SCRIB: variants seen among roughly 807,000 people sequenced by gnomAD.
SCRIB encodes the protein protein scribble homolog.
In SCRIB, 72 loss-of-function variants were observed where a neutral mutation model predicts 170.0. That is an observed-to-expected ratio of 0.42 (90% CI 0.35 to 0.52). SCRIB has a LOEUF of 0.52. Among genes scored for constraint, SCRIB ranks in the 20% least tolerant of loss-of-function variants. SCRIB has a pLI of 0.02. For missense variants in SCRIB, 2,475 were observed against 2,338.5 expected, an observed-to-expected ratio of 1.06 and a Z score of -1.20; for synonymous variants, 1,298 against 1,044.3, an observed-to-expected ratio of 1.24 and a Z score of -4.68.
chr8:143,807,134 G>A, intron 16 of SCRIB, 121 bp from the exon 17 acceptor site: 1 of 731,426 alleles, frequency 1.4e-6, no homozygotes. Context: ...GCTGAATGGG[G>A]CCTCATGCCA....
chr8:143,805,555 GC>G, intron 18 of SCRIB, 120 bp from the exon 19 acceptor site: 3 of 1,039,356 alleles, frequency 2.9e-6, no homozygotes, highest in South Asian at 1.9e-5. Flanking sequence ...GAGGGGAAAG[GC>G]CCCAGGCGCT....
At chr8:143,793,426 GGAGAGACA>G in intron 28 of SCRIB, 1 of 309,438 alleles carries the variant, frequency 3.2e-6, no homozygotes, top group Admixed American at 4.7e-5. Flanking sequence ...GAGGGGGGTG[GGAGAGACA>G]GAGAGAGAGA....
chr8:143,815,283 C>A lies in SCRIB; in HGVS notation c.90G>T (p.Glu30Asp). Residue 30 changes from glutamate to aspartate, a missense_variant, in exon 1 of 37, where the codon GAG becomes GAT. By Grantham distance (45) the Glu-to-Asp change is conservative (BLOSUM62 2). Transcript: ENST00000356994. The stretch of plus-strand genomic sequence containing the variant: ...CCAGGCTGCGGCTGTAGCGGTAGAT[C>A]TCCTCCGGCACGGCCTGCAGCGAAC... ...RHCSLQAVPEEIYRYSRSLEE... is the reference protein window; with the variant it reads ...RHCSLQAVPEDIYRYSRSLEE... The A allele has an allele frequency of 6.3e-7, 1 of 1,597,500 alleles. No homozygotes were observed. Among genetic ancestry groups the A allele is most frequent in the Non-Finnish European group, 8.5e-7 (1 of 1,174,906 alleles).
At position 143,793,154 on chromosome 8, in the gene SCRIB, C is replaced by T. The variant is rs544223978; in HGVS notation, c.3910-71G>A. 9.6e-4 allele frequency: 811 copies of T among 845,012 alleles called. 12 individuals are homozygous for T. The African/African-American group carries it at 0.013, about 14-fold the overall frequency. The allele number at this position is 845,012 out of a possible 1,614,324, so 52.3% of individuals were successfully genotyped here. A position where few individuals can be genotyped will look rare whatever the true frequency, so the allele number is the denominator to read the frequency against. On this transcript the variant is annotated intron_variant, in intron 28 of 36. Transcript: ENST00000356994. ...GCTGCAGCTGTGTGCAACTCACCAC[C>T]GGCTGTCCCCCCGCCTGTCCCCCCG... is the stretch of plus-strand genomic sequence containing the variant.
Position 143,813,497 on chromosome 8 carries a change from C to T in SCRIB, c.476G>A (p.Arg159Gln). 4 of 1,613,170 alleles carry T rather than the reference C, an allele frequency of 2.5e-6. No homozygotes were observed. The highest frequency in any genetic ancestry group is 3.4e-6 in the Non-Finnish European group (4 of 1,179,986). Residue 159 changes from arginine to glutamine, a missense_variant, in exon 5 of 37, where the codon CGG (arginine) becomes CAG (glutamine). Arg to Gln is a conservative substitution (Grantham distance 43). This residue lies in a region of SCRIB where 487 missense variants were observed against 558.1 expected (regional missense o/e 0.87). Transcript: ENST00000356994. Reference sequence around the variant, plus strand: ...TGGCAGGGACTTGAGCAGGTTCTCCCGGAGCTCCAGGGTCACCAGGTTGGC... The same window carrying T: ...TGGCAGGGACTTGAGCAGGTTCTCCTGGAGCTCCAGGGTCACCAGGTTGGC... ...NLANLVTLEL[R>Q]ENLLKSLPAS...
intron 27 of SCRIB, 71 bp downstream of exon 27, chr8:143,794,967 G>A (rs900013366): frequency 6.9e-5 from 102 of 1,481,360 alleles, no homozygotes; most frequent in East Asian, 3.4e-4. Context: ...TGGCCCTGGC[G>A]TTTGTCCTGG....
At position 143,812,260 on chromosome 8, in the gene SCRIB, C is replaced by T. The variant is rs1429937923; in HGVS notation, c.906+6G>A. On this transcript the variant is annotated splice_donor_region_variant and intron_variant, in intron 9 of 36. Coordinates refer to ENST00000356994, the MANE Select transcript of SCRIB (RefSeq NM_182706.5). ...CATCCTTTCTGCCTCCCAAGCCAGA[C>T]CCTACCATCAGCAGGTTCTCCGTGA... is the stretch of plus-strand genomic sequence containing the variant. The T allele has an allele frequency of 1.9e-6, 3 of 1,580,838 alleles. No individual in the cohort carries two copies. The highest frequency in any genetic ancestry group is 1.3e-5 in the African/African-American group (1 of 74,426).
chr8:143,791,552 G>T lies in SCRIB; in HGVS notation c.4771-112C>A, dbSNP rs1412547875. On this transcript the variant is annotated intron_variant, in intron 35 of 36. Transcript: ENST00000356994. Reference sequence around the variant, plus strand: ...CACAGAGCCCGGCTGAAGGGGGAGGGGGGGTGAAGAGGCAGGGCCACGGCA... The same window carrying T: ...CACAGAGCCCGGCTGAAGGGGGAGGTGGGGTGAAGAGGCAGGGCCACGGCA... 1.2e-5 allele frequency: 19 copies of T among 1,568,844 alleles called. No individual in the cohort carries two copies. In the Admixed American group the frequency reaches 1.7e-4, roughly 14 times the overall value.
chr8:143,798,914 CCT>C (rs1216928192), intron 24 of SCRIB, among the ~76,000 whole-genome samples: 4 of 151,792 alleles, frequency 2.6e-5, no homozygotes, highest in Non-Finnish European at 5.9e-5. Flanking sequence ...CAAAGAATGC[CCT>C]GTCAAAGCAG....
At chr8:143,792,193 G>T in intron 32 of SCRIB, 27 bp downstream of exon 32, 1 of 1,556,050 alleles carries the variant, frequency 6.4e-7, no homozygotes. Flanking sequence ...CAGCAGGGCG[G>T]GGTGGCGACC....
intron 25 of SCRIB, 28 bp from the exon 26 acceptor site, chr8:143,795,361 A>G (rs1554633883): frequency 6.2e-7 from 1 of 1,612,294 alleles, no homozygotes; most frequent in African/African-American, 1.3e-5. Context: ...CAGACCCGTC[A>G]GGCACCACCG....
intron 24 of SCRIB, among the ~76,000 whole-genome samples, chr8:143,801,719 AC>A (rs1466693135): frequency 3.9e-5 from 6 of 152,176 alleles, no homozygotes; most frequent in Admixed American, 2.0e-4. Flanking sequence ...GGTAGCAGTG[AC>A]GGGGAAGGGG....
intron 9 of SCRIB, among the ~76,000 whole-genome samples, chr8:143,811,558 C>CTTCAG (rs1815722997): frequency 6.6e-6 from 1 of 152,134 alleles, no homozygotes; most frequent in South Asian, 2.1e-4. Context: ...TGCCCTCAGC[C>CTTCAG]TTCAGTCCCC....
In SCRIB at chr8:143,812,822, C is replaced by A; in HGVS notation, c.782G>T (p.Gly261Val). ...GCACCCCCAGGCACACTAACCGATG[C>A]CGTCGGGCAGCCTCCGCAGCAGGTT... Reference protein sequence around the residue: ...SQNLLRRLPDGIGQLKQLSIL... With the variant: ...SQNLLRRLPDVIGQLKQLSIL... The change falls in exon 8 of 37, where the codon GGC (glycine) becomes GTC (valine). Residue 261 changes from glycine to valine, a missense_variant. Gly to Val is a moderately radical substitution (Grantham distance 109). Coordinates refer to ENST00000356994, the MANE Select transcript of SCRIB (RefSeq NM_182706.5). 1 of 1,599,092 alleles carries A rather than the reference C, an allele frequency of 6.3e-7. No homozygotes were observed.
At chr8:143,802,562 G>A (rs782469482) in intron 24 of SCRIB, among the ~76,000 whole-genome samples, 7 of 152,252 alleles carry the variant, frequency 4.6e-5, no homozygotes, top group Non-Finnish European at 7.3e-5. Flanking sequence ...TCAGCCATGG[G>A]CGCTGGCCCT....
chr8:143,814,245 C>T (rs1815908096), intron 1 of SCRIB, 127 bp from the exon 2 acceptor site: 2 of 761,328 alleles, frequency 2.6e-6, no homozygotes, highest in African/African-American at 3.5e-5. Context: ...ACACCGGGTC[C>T]TGGGGTCTAA....
intron 24 of SCRIB, among the ~76,000 whole-genome samples, chr8:143,800,317 C>T (rs138128283): frequency 2.5e-3 from 388 of 152,310 alleles, no homozygotes; most frequent in Middle Eastern, 0.014. Context: ...AACAGCCCCC[C>T]CTCCATTTAA....
chr8:143,815,077 C>T (rs1816006810), intron 1 of SCRIB, 137 bp downstream of exon 1: 3 of 1,009,796 alleles, frequency 3.0e-6, no homozygotes, highest in South Asian at 2.1e-5. Flanking sequence ...GTGGGGCTGG[C>T]TGGGGTGGGG....
chr8:143,811,830 T>C (rs1815739518), intron 9 of SCRIB, among the ~76,000 whole-genome samples: 1 of 151,914 alleles, frequency 6.6e-6, no homozygotes, highest in African/African-American at 2.4e-5. Context: ...CACAGCTAGC[T>C]CCTGTTTCCC....
Sources: allele counts gnomAD v4.1 joint callset (sites outside exome capture counted in the v4.1 genomes callset), GRCh38; gene constraint gnomAD v4.1.1; regional missense constraint gnomAD v4.1.1; transcripts MANE v1.5; gene names NCBI Gene and HGNC (gene_info 2026-07-23, HGNC 2026-07-21).